AVEN: variants seen among roughly 807,000 people sequenced by gnomAD.
AVEN encodes the protein apoptosis and caspase activation inhibitor.
A neutral mutation model predicts 38.1 loss-of-function variants in AVEN; 41 were observed. That is an observed-to-expected ratio of 1.08 (90% CI 0.84 to 1.40). AVEN has a LOEUF of 1.40. Among genes scored for constraint, AVEN ranks in the 40% most tolerant of loss-of-function variants. The pLI is 0.00. For missense variants in AVEN, 605 were observed against 438.8 expected, an observed-to-expected ratio of 1.38 and a Z score of -3.38; for synonymous variants, 206 against 171.8, an observed-to-expected ratio of 1.20 and a Z score of -1.56.
chr15:34,014,882 C>T (rs898052712), intron 1 of AVEN, among the ~76,000 whole-genome samples: 2 of 152,082 alleles, frequency 1.3e-5, no homozygotes, highest in East Asian at 3.9e-4. Context: ...CTCCTGGGGG[C>T]AGAATTCAAA....
intron 2 of AVEN, among the ~76,000 whole-genome samples, chr15:33,983,162 GTGTGTGTGTA>G (rs1896240610): frequency 1.1e-4 from 10 of 87,204 alleles, no homozygotes; most frequent in Admixed American, 6.8e-4. Flanking sequence ...GTGTGTGTAT[GTGTGTGTGTA>G]TATATACACA....
At chr15:33,993,890 T>C (rs1896828918) in intron 2 of AVEN, among the ~76,000 whole-genome samples, 1 of 152,244 alleles carries the variant, frequency 6.6e-6, no homozygotes. Context: ...TACTAACGAA[T>C]TCTGTGGGCA....
chr15:33,937,130 C>CAAA (rs11284986), intron 2 of AVEN, among the ~76,000 whole-genome samples: 9 of 106,274 alleles, frequency 8.5e-5, no homozygotes, highest in African/African-American at 3.0e-4. Context: ...GACTTCAACT[C>CAAA]AAAAAAAAAA....
intron 2 of AVEN, among the ~76,000 whole-genome samples, chr15:33,920,839 T>C (rs1268148484): frequency 1.3e-5 from 2 of 152,052 alleles, no homozygotes; most frequent in Non-Finnish European, 2.9e-5. Context: ...AATCTCGCAA[T>C]CTCGGCTGAC....
intron 2 of AVEN, among the ~76,000 whole-genome samples, chr15:33,990,193 G>A (rs982449378): frequency 6.6e-6 from 1 of 151,428 alleles, no homozygotes; most frequent in East Asian, 1.9e-4. Context: ...AACAGGGTGA[G>A]ACTCCGTCTC....
chr15:33,957,478 A>G (rs1012749623), intron 2 of AVEN, among the ~76,000 whole-genome samples: 1 of 152,202 alleles, frequency 6.6e-6, no homozygotes, highest in African/African-American at 2.4e-5. Flanking sequence ...AGGACCCAAC[A>G]ATCCTACTCC....
At chr15:33,874,546 G>C (rs1356510716) in intron 3 of AVEN, among the ~76,000 whole-genome samples, 2 of 151,908 alleles carry the variant, frequency 1.3e-5, no homozygotes, top group East Asian at 1.9e-4. Flanking sequence ...GTGCAAAGTA[G>C]CTATCTCTCT....
At chr15:33,877,018 C>A (rs1400681459) in intron 2 of AVEN, among the ~76,000 whole-genome samples, 3 of 152,188 alleles carry the variant, frequency 2.0e-5, no homozygotes, top group East Asian at 1.9e-4. Flanking sequence ...TTAATATAAA[C>A]CAATCCATAA....
intron 2 of AVEN, among the ~76,000 whole-genome samples, chr15:33,982,921 T>C (rs550518732): frequency 1.4e-5 from 2 of 145,674 alleles, no homozygotes; most frequent in East Asian, 2.1e-4. Flanking sequence ...GGGATGACTG[T>C]TGGATCACTG....
chr15:33,990,225 A>G (rs940584359), intron 2 of AVEN, among the ~76,000 whole-genome samples: 1 of 151,654 alleles, frequency 6.6e-6, no homozygotes, highest in Non-Finnish European at 1.5e-5. Flanking sequence ...AAACAAAACA[A>G]AAAAAACTTA....
downstream of AVEN, chr15:33,864,683 C>G (rs1889842236): frequency 5.7e-6 from 1 of 175,086 alleles, no homozygotes; most frequent in South Asian, 1.5e-4. Flanking sequence ...AGGAAAAAGT[C>G]AGTTATCAAA....
intron 1 of AVEN, among the ~76,000 whole-genome samples, chr15:34,025,979 T>A (rs1597366465): frequency 6.6e-6 from 1 of 152,320 alleles, no homozygotes; most frequent in East Asian, 1.9e-4. Flanking sequence ...ATAATCACAA[T>A]ATATTTGTAG....
chr15:33,928,398 C>T (rs2153049925), intron 2 of AVEN, among the ~76,000 whole-genome samples: 1 of 152,256 alleles, frequency 6.6e-6, no homozygotes, highest in African/African-American at 2.4e-5. Flanking sequence ...AGGGATCAAT[C>T]TCTGGCAGAG....
chr15:34,067,611 A>G (rs954698301), intron 2 of AVEN, among the ~76,000 whole-genome samples: 3 of 152,154 alleles, frequency 2.0e-5, no homozygotes, highest in Non-Finnish European at 4.4e-5. Flanking sequence ...CCTTCTTGCT[A>G]CCTTTTGTGA....
At chr15:34,005,532 T>G (rs1273634994) in intron 1 of AVEN, among the ~76,000 whole-genome samples, 1 of 152,232 alleles carries the variant, frequency 6.6e-6, no homozygotes, top group Non-Finnish European at 1.5e-5. Flanking sequence ...GATGCTGCTT[T>G]GAACCCTTTG....
At chr15:33,876,920 T>A (rs1167186411) in intron 2 of AVEN, among the ~76,000 whole-genome samples, 1 of 152,186 alleles carries the variant, frequency 6.6e-6, no homozygotes. Context: ...CACATTTTTA[T>A]AAATTTAATC....
chr15:33,937,617 G>A (rs546408), intron 2 of AVEN, among the ~76,000 whole-genome samples: 138,723 of 151,978 alleles, frequency 0.91, 64,123 homozygotes, highest in Non-Finnish European at 0.98. Flanking sequence ...CAATGTGATA[G>A]TATTTAGACA....
At chr15:33,975,100 G>T (rs1230342386) in intron 2 of AVEN, among the ~76,000 whole-genome samples, 5 of 152,130 alleles carry the variant, frequency 3.3e-5, no homozygotes, top group Non-Finnish European at 4.4e-5. Context: ...GATCTGCCCT[G>T]GTTGGGTTGA....
chr15:34,021,562 C>T (rs1045165555), intron 1 of AVEN, among the ~76,000 whole-genome samples: 1 of 152,162 alleles, frequency 6.6e-6, no homozygotes, highest in Non-Finnish European at 1.5e-5. Flanking sequence ...TCTTTAAGAG[C>T]ACTTACACAT....
Sources: gnomAD v4.1 joint callset for allele counts (sites outside exome capture counted in the v4.1 genomes callset) on GRCh38, gnomAD v4.1.1 for gene constraint, MANE v1.5 for transcripts, NCBI Gene and HGNC (gene_info 2026-07-23, HGNC 2026-07-21) for gene names.